The following NRSN1 variants were observed in gnomAD, a reference collection of about 807,000 sequenced individuals.
NRSN1 encodes the protein neurensin 1.
NRSN1 carries 14 observed loss-of-function variants against 17.3 expected under a neutral mutation model. The observed-to-expected ratio is 0.81, with a 90% CI of 0.54 to 1.27. The LOEUF (loss-of-function observed/expected upper bound fraction) is 1.27, where lower values mean the gene tolerates loss of function less well. Ranked by LOEUF, NRSN1 falls within the 50% of genes most tolerant of loss-of-function variation. The pLI is 0.00. For missense variants in NRSN1, 209 were observed against 235.9 expected (o/e 0.89, Z 0.75); for synonymous variants, 79 against 94.2 (o/e 0.84, Z 0.93).
At chr6:24,134,706 GC>G (rs1232621633) in intron 3 of NRSN1, among the ~76,000 whole-genome samples, 190 bp downstream of exon 3, 1 of 152,174 alleles carries the variant, frequency 6.6e-6, no homozygotes, top group Non-Finnish European at 1.5e-5. Flanking sequence ...TCTAAACACA[GC>G]ACAACTATTG....
rs532102607 is a variant in NRSN1 at position 24,128,251 on chromosome 6, ATGT to A, written c.-10+52_-10+54del. 424 of 152,328 alleles carry A rather than the reference ATGT, an allele frequency of 2.8e-3. 1 individual carries two copies. Among genetic ancestry groups the A allele is most frequent in the African/African-American group, 9.8e-3 (407 of 41,588 alleles). 9.4% of individuals were successfully genotyped at this position (152,328 alleles called of 1,614,324 possible). ...AGATTCATAAGCACCCTGTGTATGC[ATGT>A]AGATAAAGAAGAGATTAAAAGAGAA... On this transcript the variant is annotated intron_variant, in intron 2 of 3. Coordinates refer to ENST00000378491, the MANE Select transcript of NRSN1 (RefSeq NM_080723.5).
At chr6:24,141,065 C>G in intron 3 of NRSN1, 3 of 1,445,966 alleles carry the variant, frequency 2.1e-6, no homozygotes, top group Non-Finnish European at 2.7e-6. Context: ...TTGGCCTTAC[C>G]ACCCTAAGGC....
chr6:24,130,104 TA>T (rs1483275570), intron 2 of NRSN1, among the ~76,000 whole-genome samples: 5 of 152,186 alleles, frequency 3.3e-5, no homozygotes, highest in African/African-American at 1.2e-4. Flanking sequence ...TTTCTGTAAA[TA>T]AAAAAGGCTC....
chr6:24,136,922 A>G (rs1760126556), intron 3 of NRSN1, among the ~76,000 whole-genome samples: 1 of 152,224 alleles, frequency 6.6e-6, no homozygotes, highest in Non-Finnish European at 1.5e-5. Flanking sequence ...GGATAAACCA[A>G]CTGTTCCTGG....
chr6:24,126,480 C>T (rs1315097193), intron 1 of NRSN1, 140 bp downstream of exon 1: 1 of 152,280 alleles, frequency 6.6e-6, no homozygotes, highest in Non-Finnish European at 1.5e-5. Context: ...TCCCTCCCTC[C>T]TTCATTCACG....
In NRSN1 at chr6:24,133,092, C is replaced by T. The variant is rs138994508; in HGVS notation, c.-9-1227C>T. Among the ~76,000 whole-genome samples, 827 of 152,170 alleles carry T rather than the reference C, an allele frequency of 5.4e-3. 10 individuals carry two copies. The highest frequency in any genetic ancestry group is 0.048 in the Middle Eastern group (14 of 294). On this transcript the variant is annotated intron_variant, in intron 2 of 3. Transcript: ENST00000378491. ...TAACAAAATCCATATAAATGCCTCTCTCTAAGGGTATCAATTAGGTCAAAT... is the reference window on the plus strand; with the variant it reads ...TAACAAAATCCATATAAATGCCTCTTTCTAAGGGTATCAATTAGGTCAAAT...
chr6:24,128,647 ACTGAC>A (rs1759987107), intron 2 of NRSN1: 1 of 152,208 alleles, frequency 6.6e-6, no homozygotes, highest in South Asian at 2.1e-4. Context: ...CTTTTAAGGA[ACTGAC>A]CTTTCGGCTT....
chr6:24,142,498 G>C, intron 3 of NRSN1, among the ~76,000 whole-genome samples: 1 of 151,496 alleles, frequency 6.6e-6, no homozygotes, highest in East Asian at 1.9e-4. Context: ...CACTCTTGTT[G>C]CCCAGGCTGG....
At chr6:24,142,895 A>T (rs922309668) in intron 3 of NRSN1, among the ~76,000 whole-genome samples, 10 of 152,230 alleles carry the variant, frequency 6.6e-5, no homozygotes, top group African/African-American at 2.4e-4. Flanking sequence ...GCCAGCTTTT[A>T]TATCCTTATT....
intron 3 of NRSN1, among the ~76,000 whole-genome samples, chr6:24,137,715 A>T (rs1760139195): frequency 6.6e-6 from 1 of 152,006 alleles, no homozygotes; most frequent in Non-Finnish European, 1.5e-5. Flanking sequence ...CCGGAGTATG[A>T]TGTTCCCCTT....
chr6:24,135,222 T>A (rs1028186772), intron 3 of NRSN1, among the ~76,000 whole-genome samples: 6 of 152,222 alleles, frequency 3.9e-5, no homozygotes, highest in African/African-American at 1.2e-4. Flanking sequence ...GTGATAGTGC[T>A]ATGGATGACA....
rs528503595 is a variant in NRSN1, at chr6:24,131,331, G to A, written c.-9-2988G>A. On this transcript the variant is annotated intron_variant, in intron 2 of 3. Transcript: ENST00000378491. Reference sequence around the variant, plus strand: ...TCACACGGTCCTTCTCTGCATCAAAGCTCAATCCTGGGAAAGAACAACTTC... The same window carrying A: ...TCACACGGTCCTTCTCTGCATCAAAACTCAATCCTGGGAAAGAACAACTTC... Among the ~76,000 whole-genome samples the A allele has an allele frequency of 6.7e-4, 102 of 152,286 alleles. 1 individual carries two copies. The highest frequency in any genetic ancestry group is 4.4e-3 in the Admixed American group (67 of 15,302).
intron 3 of NRSN1, chr6:24,141,364 G>C: frequency 1.4e-6 from 1 of 698,448 alleles, no homozygotes; most frequent in African/African-American, 1.8e-5. Context: ...AGTCCCAACT[G>C]CTCTCCTCAC....
intron 3 of NRSN1, chr6:24,141,322 G>T: frequency 8.8e-7 from 1 of 1,137,228 alleles, no homozygotes; most frequent in Non-Finnish European, 1.1e-6. Context: ...ATCCTTTCCA[G>T]TACTCAGCAT....
At chr6:24,138,487 C>T (rs1262511342) in intron 3 of NRSN1, among the ~76,000 whole-genome samples, 2 of 152,172 alleles carry the variant, frequency 1.3e-5, no homozygotes, top group African/African-American at 2.4e-5. Context: ...CTTCTCACCC[C>T]CAGTCATTCC....
At chr6:24,141,582 C>G (rs1760204406) in intron 3 of NRSN1, 1 of 153,220 alleles carries the variant, frequency 6.5e-6, no homozygotes, top group Non-Finnish European at 1.5e-5. Flanking sequence ...CTCTGATTCT[C>G]TGATGTCAAT....
At chr6:24,129,611 T>C (rs1759998350) in intron 2 of NRSN1, 1 of 152,190 alleles carries the variant, frequency 6.6e-6, no homozygotes, top group African/African-American at 2.4e-5. Flanking sequence ...GATATTTAGA[T>C]ATATTGATTA....
chr6:24,142,137 G>A lies in NRSN1; in HGVS notation c.190-3411G>A, dbSNP rs573129572. Among the ~76,000 whole-genome samples the A allele has an allele frequency of 1.0e-4, 12 of 119,924 alleles. No homozygotes were observed. In the South Asian group the frequency reaches 3.4e-3, roughly 34 times the overall value. 78.7% of individuals were successfully genotyped at this position (119,924 alleles called of 152,430 possible). On this transcript the variant is annotated intron_variant, in intron 3 of 3. Transcript: ENST00000378491. ...AAAAATGTAGAAAGCAATCCAAAAT[G>A]TTATATTTTACAGCCCAATTTTTCC...
In NRSN1 at chr6:24,146,074, T is replaced by C. The variant is rs2113719566; in HGVS notation, c.*128T>C. 1 of 972,202 alleles carries C rather than the reference T, an allele frequency of 1.0e-6. No homozygotes were observed. Among genetic ancestry groups the C allele is most frequent in the South Asian group, 1.3e-5 (1 of 75,114 alleles). 60.2% of individuals were successfully genotyped at this position (972,202 alleles called of 1,614,324 possible). ...CTGTGTTCAGCTGTGGGCAATATAA[T>C]GGGTGGACTCACACTTGCTCAGTTC... On this transcript the variant is annotated 3_prime_UTR_variant, in exon 4 of 4. Transcript: ENST00000378491.
Sources: gnomAD v4.1 joint callset for allele counts (sites outside exome capture counted in the v4.1 genomes callset) on GRCh38, gnomAD v4.1.1 for gene constraint, MANE v1.5 for transcripts, NCBI Gene and HGNC (gene_info 2026-07-23, HGNC 2026-07-21) for gene names.